Variants in PCDHGB2 observed in about 807,000 individuals in gnomAD.
The protein encoded by PCDHGB2 is protocadherin gamma subfamily B, 2.
PCDHGB2 carries 55 observed loss-of-function variants against 59.3 expected under a neutral mutation model. The observed-to-expected ratio is 0.93, with a 90% CI of 0.75 to 1.16. The LOEUF is 1.16. Ranked by LOEUF, PCDHGB2 falls within the 50% of genes most tolerant of loss-of-function variation. The pLI is 0.00. For synonymous variants in PCDHGB2, 516 were observed against 512.0 expected (o/e 1.01, Z -0.11); for missense variants, 1,228 against 1,198.5 (o/e 1.02, Z -0.36).
chr5:141,402,319 C>G lies in PCDHGB2; in HGVS notation c.2421+39763C>G, dbSNP rs181180510. On this transcript the variant is annotated intron_variant, in intron 1 of 3. Transcript: ENST00000522605. ...TGTATTAATACAATTATATATTTTA[C>G]ATTTACAAATATATAGGTATAAAAA... Among the ~76,000 whole-genome samples, 14 of 151,934 alleles carry G rather than the reference C, an allele frequency of 9.2e-5. No individual in the cohort carries two copies. In the East Asian group the frequency reaches 2.7e-3, roughly 29 times the overall value.
Position 141,491,916 on chromosome 5 carries a change from G to T in PCDHGB2, c.2422-2891G>T. ...GAGCACCGGGGGTGGTGGCGACTGT[G>T]GGCGAGGGGAGGTGGGACCGACCCC... On this transcript the variant is annotated intron_variant, in intron 1 of 3. Transcript: ENST00000522605. The surrounding 1 kb of genome is among the most constrained non-coding windows in gnomAD (Gnocchi z 6.9). 2 of 1,386,662 alleles carry T rather than the reference G, an allele frequency of 1.4e-6. No homozygotes were observed. Among genetic ancestry groups the T allele is most frequent in the African/African-American group, 1.5e-5 (1 of 68,510 alleles). The allele number at this position is 1,386,662 out of a possible 1,614,324, so 85.9% of individuals were successfully genotyped here.
chr5:141,364,832 C>G lies in PCDHGB2; in HGVS notation c.2421+2276C>G, dbSNP rs538468873. On this transcript the variant is annotated intron_variant, in intron 1 of 3. Coordinates refer to ENST00000522605, the MANE Select transcript of PCDHGB2 (RefSeq NM_018923.3). ...TGCGGATGTGGGTGTGAACTCTCTCCGGAGTTACCAGCTCAGCTCCAATCT... is the reference window on the plus strand; with the variant it reads ...TGCGGATGTGGGTGTGAACTCTCTCGGGAGTTACCAGCTCAGCTCCAATCT... The G allele has an allele frequency of 5.0e-6, 8 of 1,614,012 alleles. No individual in the cohort carries two copies. The African/African-American group carries it at 5.3e-5, about 11-fold the overall frequency.
rs137901127 is a variant in PCDHGB2 at position 141,436,420 on chromosome 5, A to G, written c.2422-58387A>G. 1.4e-3 allele frequency among the ~76,000 whole-genome samples: 213 copies of G among 152,326 alleles called. 1 individual carries two copies. The highest frequency in any genetic ancestry group is 4.8e-3 in the African/African-American group (199 of 41,594). ...AGTTGTTGAATGAATGGATAAACAA[A>G]TAATGTACTCTGGGGATTACCTGAT... On this transcript the variant is annotated intron_variant, in intron 1 of 3. Coordinates refer to ENST00000522605, the MANE Select transcript of PCDHGB2 (RefSeq NM_018923.3).
intron 1 of PCDHGB2, chr5:141,408,720 A>G (rs1325828281): frequency 6.2e-7 from 1 of 1,611,214 alleles, no homozygotes; most frequent in African/African-American, 1.3e-5. Context: ...TATAAGATAA[A>G]CTCTAATCCT....
chr5:141,371,692 C>A (rs1172182153), intron 1 of PCDHGB2: 1 of 1,614,048 alleles, frequency 6.2e-7, no homozygotes, highest in South Asian at 1.1e-5. Flanking sequence ...CCACCGCTCT[C>A]CTCCAGCAAG....
At chr5:141,503,598 C>CAAA (rs765754054) in intron 2 of PCDHGB2, among the ~76,000 whole-genome samples, 1 of 65,748 alleles carries the variant, frequency 1.5e-5, no homozygotes. Context: ...GACTCCAGCT[C>CAAA]AAAAAAAAAA....
chr5:141,397,738 C>T (rs1211172946), intron 1 of PCDHGB2, among the ~76,000 whole-genome samples: 1 of 152,162 alleles, frequency 6.6e-6, no homozygotes, highest in East Asian at 1.9e-4. Flanking sequence ...AGAAAGATAC[C>T]TTAAAGAAGT....
Position 141,370,705 on chromosome 5 carries a change from T to C in PCDHGB2, c.2421+8149T>C, listed in dbSNP as rs766733768. ...TGTGGCAAGAAGTCGACGTGTGTTC[T>C]GGAATTTGAAATGGTTGCTGAAAAG... On this transcript the variant is annotated intron_variant, in intron 1 of 3. Transcript: ENST00000522605. The C allele has an allele frequency of 5.0e-6, 8 of 1,613,842 alleles. No individual in the cohort carries two copies. Among genetic ancestry groups the C allele is most frequent in the Non-Finnish European group, 6.8e-6 (8 of 1,179,894 alleles).
At chr5:141,452,227 T>C (rs2098736376) in intron 1 of PCDHGB2, among the ~76,000 whole-genome samples, 1 of 152,232 alleles carries the variant, frequency 6.6e-6, no homozygotes, top group African/African-American at 2.4e-5. Context: ...CTCTTCAAGC[T>C]GGTTCTTGTG....
chr5:141,413,806 A>C, intron 1 of PCDHGB2: 1 of 1,613,168 alleles, frequency 6.2e-7, no homozygotes. Flanking sequence ...GGAAGAGGCC[A>C]TTCACCACCT....
intron 1 of PCDHGB2, chr5:141,392,676 C>G: frequency 1.1e-6 from 1 of 917,280 alleles, no homozygotes. Context: ...AACTGCTGGA[C>G]TGCAGCGAAA....
rs775895766 is a variant in PCDHGB2, at chr5:141,384,987, G to T, written c.2421+22431G>T. On this transcript the variant is annotated intron_variant, in intron 1 of 3. Coordinates refer to ENST00000522605, the MANE Select transcript of PCDHGB2 (RefSeq NM_018923.3). ...ACCTCACGTTGTACCTGGTGGTGGC[G>T]GTGGCCACAGTCTCCTGCGTCTTCC... The T allele has an allele frequency of 3.7e-6, 6 of 1,613,996 alleles. No individual in the cohort carries two copies. The African/African-American group carries it at 6.7e-5, about 18-fold the overall frequency.
intron 1 of PCDHGB2, chr5:141,399,613 G>A: frequency 6.2e-7 from 1 of 1,613,928 alleles, no homozygotes; most frequent in Non-Finnish European, 8.5e-7. Context: ...AGAGCCTCTG[G>A]CACTGGCCTC....
Position 141,512,554 on chromosome 5 carries a change from T to TAG in PCDHGB2, c.*1383_*1384dup, listed in dbSNP as rs2099884300. ...AAGTTCCCCAGTGCCTCCTTGTGCA[T>TAG]AGACCTTCTTCTCCCACCCCCTTCT... is the stretch of plus-strand genomic sequence containing the variant. On this transcript the variant is annotated 3_prime_UTR_variant, in exon 4 of 4. Coordinates refer to ENST00000522605, the MANE Select transcript of PCDHGB2 (RefSeq NM_018923.3). 6.5e-6 allele frequency: 1 copy of TAG among 153,012 alleles called. No homozygotes were observed. Among genetic ancestry groups the TAG allele is most frequent in the Non-Finnish European group, 1.5e-5 (1 of 68,482 alleles). 9.5% of individuals were successfully genotyped at this position (153,012 alleles called of 1,614,324 possible).
chr5:141,395,182 C>A (rs143509166), intron 1 of PCDHGB2: 1 of 1,614,114 alleles, frequency 6.2e-7, no homozygotes, highest in South Asian at 1.1e-5. Context: ...AAAAATGATT[C>A]TTTGTTAACA....
intron 1 of PCDHGB2, chr5:141,375,741 T>C (rs1374220780): frequency 1.9e-6 from 3 of 1,614,246 alleles, no homozygotes; most frequent in South Asian, 2.2e-5. Flanking sequence ...CTGTTTGTGC[T>C]GGACCAGAAT....
intron 1 of PCDHGB2, chr5:141,384,513 G>A: frequency 6.2e-7 from 1 of 1,614,200 alleles, no homozygotes; most frequent in Non-Finnish European, 8.5e-7. Context: ...ATGACAGCGG[G>A]GACCCGCCTC....
intron 2 of PCDHGB2, among the ~76,000 whole-genome samples, chr5:141,504,359 A>C (rs988295720): frequency 2.6e-5 from 4 of 152,044 alleles, no homozygotes; most frequent in African/African-American, 9.7e-5. Flanking sequence ...TAGGTGCTTC[A>C]GTAGGAAGCA....
chr5:141,427,268 A>G (rs1433017911), intron 1 of PCDHGB2: 7 of 456,648 alleles, frequency 1.5e-5, no homozygotes, highest in Non-Finnish European at 3.1e-5. Flanking sequence ...TGACCAGCGA[A>G]TGTAAAATTA....
Sources: gnomAD v4.1 joint callset for allele counts (sites outside exome capture counted in the v4.1 genomes callset) on GRCh38, gnomAD v4.1.1 for gene constraint, Gnocchi (gnomAD v3.1) non-coding constraint, MANE v1.5 for transcripts, NCBI Gene and HGNC (gene_info 2026-07-23, HGNC 2026-07-21) for gene names.